BFSP1: variants seen among roughly 807,000 people sequenced by gnomAD.
BFSP1 encodes filensin.
A neutral mutation model predicts 43.9 loss-of-function variants in BFSP1; 38 were observed. That is an observed-to-expected ratio of 0.87 (90% CI 0.67 to 1.14). The LOEUF (loss-of-function observed/expected upper bound fraction) is 1.14. Among genes scored for constraint, BFSP1 ranks in the 50% most tolerant of loss-of-function variants. The probability of loss-of-function intolerance (pLI) is 0.00; values close to 1 mark genes in which losing one functional copy is unlikely to be tolerated. For synonymous variants in BFSP1, 352 were observed against 354.8 expected (o/e 0.99, Z 0.09); for missense variants, 850 against 875.1 (o/e 0.97, Z 0.36).
intron 5 of BFSP1, among the ~76,000 whole-genome samples, chr20:17,505,929 C>T (rs1366976343): frequency 6.6e-6 from 1 of 152,224 alleles, no homozygotes; most frequent in African/African-American, 2.4e-5. Flanking sequence ...GTGCTACACC[C>T]TTGAATATGT....
At chr20:17,496,843 AT>A (rs1018982476) in intron 7 of BFSP1, 94 bp downstream of exon 7, 3 of 1,126,288 alleles carry the variant, frequency 2.7e-6, no homozygotes, top group Admixed American at 3.1e-5. Flanking sequence ...TTCCAGATGG[AT>A]CTGAAGCAAG....
At chr20:17,517,726 A>T (rs969904066) in intron 2 of BFSP1, among the ~76,000 whole-genome samples, 1 of 152,262 alleles carries the variant, frequency 6.6e-6, no homozygotes, top group Non-Finnish European at 1.5e-5. Flanking sequence ...GTAGTGAGAT[A>T]TCTTCCATTC....
intron 1 of BFSP1, among the ~76,000 whole-genome samples, chr20:17,547,713 A>ATGTTTT (rs376165540): frequency 5.1e-4 from 76 of 149,220 alleles, no homozygotes; most frequent in African/African-American, 1.8e-3. Flanking sequence ...AATAAGAGAC[A>ATGTTTT]TGTTTTTTTT....
At chr20:17,565,645 C>T (rs2035110277) in intron 1 of BFSP1, 1 of 152,198 alleles carries the variant, frequency 6.6e-6, no homozygotes, top group African/African-American at 2.4e-5. Context: ...AACATATGCC[C>T]AAGGTCTATT....
At chr20:17,558,857 G>C (rs998904840) in exon 1 of BFSP1, 2 of 936,130 alleles carry the variant, frequency 2.1e-6, no homozygotes, top group South Asian at 4.0e-5. Context: ...GAGGTTTGCA[G>C]AGAGGAAGTG....
At position 17,494,878 on chromosome 20, in the gene BFSP1, C is replaced by A. The variant is rs140116733; in HGVS notation, c.1194G>T (p.Lys398Asn). Residue 398 changes from lysine to asparagine, a missense_variant, in exon 8 of 8, where the codon AAG becomes AAT. Transcript: ENST00000377873. ...DAPLKGLEDTKLVQVVLKEES... is the reference protein window; with the variant it reads ...DAPLKGLEDTNLVQVVLKEES... ...CCTCTTTAAGTACCACCTGTACCAG[C>A]TTTGTGTCTTCCAAACCTTTTAATG... The A allele has an allele frequency of 2.0e-4, 315 of 1,614,098 alleles. No individual in the cohort carries two copies. Among genetic ancestry groups the A allele is most frequent in the Non-Finnish European group, 2.6e-4 (302 of 1,180,052 alleles).
chr20:17,535,545 T>C (rs964363488), upstream of BFSP1, among the ~76,000 whole-genome samples: 1 of 152,056 alleles, frequency 6.6e-6, no homozygotes, highest in Non-Finnish European at 1.5e-5. Context: ...AAGGAAAATA[T>C]ACTCTGAACT....
chr20:17,532,045 G>C (rs904332717), upstream of BFSP1, among the ~76,000 whole-genome samples: 6 of 152,088 alleles, frequency 3.9e-5, no homozygotes, highest in African/African-American at 1.4e-4. Flanking sequence ...AGACATGCAC[G>C]GTTATGTTTT....
upstream of BFSP1, among the ~76,000 whole-genome samples, chr20:17,561,533 G>A (rs915495140): frequency 6.6e-6 from 1 of 152,032 alleles, no homozygotes; most frequent in Non-Finnish European, 1.5e-5. Flanking sequence ...TCATGCTTAT[G>A]AAAAATGGAA....
rs2033575757 is a variant in BFSP1, at chr20:17,494,450, G to C, written c.1622C>G (p.Pro541Arg). 2 of 1,614,202 alleles carry C rather than the reference G, an allele frequency of 1.2e-6. No homozygotes were observed. The highest frequency in any genetic ancestry group is 1.7e-6 in the Non-Finnish European group (2 of 1,180,048). ...ATCTGGCTCAATCTCCTTGTCTATA[G>C]GCTGCTGGTCAATTGGTTGTCCATC... ...KEDGQPIDQQPIDKEIEPDGA... is the reference protein window; with the variant it reads ...KEDGQPIDQQRIDKEIEPDGA... Residue 541 changes from proline to arginine, a missense_variant, in exon 8 of 8, where the codon CCT (proline) becomes CGT (arginine). Pro to Arg is a moderately radical substitution (Grantham distance 103, BLOSUM62 -2). Coordinates refer to ENST00000377873, the MANE Select transcript of BFSP1 (RefSeq NM_001195.5).
At chr20:17,518,714 T>C (rs1421542877) in intron 2 of BFSP1, among the ~76,000 whole-genome samples, 3 of 152,142 alleles carry the variant, frequency 2.0e-5, no homozygotes, top group African/African-American at 7.2e-5. Context: ...ATTTGTAAAA[T>C]ACCAGCCAGA....
intron 5 of BFSP1, among the ~76,000 whole-genome samples, chr20:17,504,918 TTTTG>T (rs1427391602): frequency 1.3e-5 from 1 of 79,808 alleles, no homozygotes; most frequent in Admixed American, 1.2e-4. Context: ...TTTTTTTTGT[TTTTG>T]TTTTTGTTTT....
intron 1 of BFSP1, among the ~76,000 whole-genome samples, chr20:17,557,389 G>C (rs1335297735): frequency 6.6e-6 from 1 of 152,140 alleles, no homozygotes; most frequent in Non-Finnish European, 1.5e-5. Flanking sequence ...ACCATGGGGG[G>C]CACCTCATCT....
chr20:17,503,009 G>A (rs1425262860), intron 5 of BFSP1, among the ~76,000 whole-genome samples: 2 of 152,206 alleles, frequency 1.3e-5, no homozygotes, highest in African/African-American at 4.8e-5. Flanking sequence ...GAGGGCTCAT[G>A]AGACAGACTA....
chr20:17,567,888 G>T (rs2035139270), intron 1 of BFSP1, among the ~76,000 whole-genome samples: 1 of 150,304 alleles, frequency 6.7e-6, no homozygotes, highest in African/African-American at 2.5e-5. Flanking sequence ...GATTTGAGAA[G>T]TGATGAACTC....
intron 1 of BFSP1, among the ~76,000 whole-genome samples, chr20:17,527,387 T>C (rs2034442076): frequency 6.6e-6 from 1 of 152,200 alleles, no homozygotes; most frequent in African/African-American, 2.4e-5. Flanking sequence ...TAACCTGATA[T>C]TGTGAGTAAT....
upstream of BFSP1, among the ~76,000 whole-genome samples, chr20:17,531,526 G>A (rs536850732): frequency 1.3e-5 from 2 of 152,390 alleles, no homozygotes; most frequent in South Asian, 4.1e-4. Flanking sequence ...TTGTGCGGCG[G>A]ATTAGCGGCC....
intron 5 of BFSP1, among the ~76,000 whole-genome samples, chr20:17,500,694 C>G (rs981117403): frequency 2.0e-5 from 3 of 152,108 alleles, no homozygotes; most frequent in African/African-American, 7.2e-5. Flanking sequence ...CCGCATTACC[C>G]CAGCCGCAGC....
intron 5 of BFSP1, among the ~76,000 whole-genome samples, chr20:17,502,833 C>T (rs2123466550): frequency 6.6e-6 from 1 of 152,206 alleles, no homozygotes; most frequent in Non-Finnish European, 1.5e-5. Flanking sequence ...CACATCTCAC[C>T]CACACCAGAG....
Sources: allele counts gnomAD v4.1 joint callset (sites outside exome capture counted in the v4.1 genomes callset), GRCh38; gene constraint gnomAD v4.1.1; transcripts MANE v1.5; gene names NCBI Gene and HGNC (gene_info 2026-07-23, HGNC 2026-07-21).